USP19: variants seen among roughly 807,000 people sequenced by gnomAD.
USP19 encodes ubiquitin carboxyl-terminal hydrolase 19.
In USP19, 40 loss-of-function variants were observed where a neutral mutation model predicts 144.8. The observed-to-expected ratio is 0.28, with a 90% confidence interval of 0.21 to 0.36. The LOEUF (loss-of-function observed/expected upper bound fraction) is 0.36, where lower values mean the gene tolerates loss of function less well. Among genes scored for constraint, USP19 ranks in the 10% least tolerant of loss-of-function variants. The pLI, the probability that USP19 is intolerant of heterozygous loss-of-function variation, is 1.00. For missense variants in USP19, 1,518 were observed against 1,822.5 expected (o/e 0.83, Z 3.04); for synonymous variants, 701 against 709.3 (o/e 0.99, Z 0.19).
chr3:49,117,175 C>G lies in USP19; in HGVS notation c.793G>C (p.Gly265Arg). The change falls in exon 6 of 27, where the codon GGG (glycine) becomes CGG (arginine). Residue 265 changes from glycine (G) to arginine (R), a missense_variant. By Grantham distance (125) the Gly-to-Arg change is moderately radical. This residue lies in a region of USP19 where 707 missense variants were observed against 728.9 expected (regional missense o/e 0.97). Transcript: ENST00000417901. This position sits in a 1 kb window ranked among gnomAD's most constrained non-coding sequence, Gnocchi z 4.4. Reference sequence around the variant, plus strand: ...TGCACAGCCCTCTTGGCGCTGGGCCCTGCCTGGGCCCCGGGGCCAGCCCCT... The same window carrying G: ...TGCACAGCCCTCTTGGCGCTGGGCCGTGCCTGGGCCCCGGGGCCAGCCCCT... ...GAGAGPGAQAGPSAKRAVHLC... is the reference protein window; with the variant it reads ...GAGAGPGAQARPSAKRAVHLC... The G allele has an allele frequency of 6.5e-7, 1 of 1,548,160 alleles. No individual in the cohort carries two copies. Among genetic ancestry groups the G allele is most frequent in the East Asian group, 2.4e-5 (1 of 40,902 alleles).
rs764401082 is a variant in USP19, at chr3:49,110,770, G to A, written c.3639C>T (p.Phe1213=). 1.2e-6 allele frequency: 2 copies of A among 1,614,198 alleles called. No homozygotes were observed. Among genetic ancestry groups the A allele is most frequent in the South Asian group, 2.2e-5 (2 of 91,080 alleles). ...CACGCCAGATAAAACTACGAAAGGA[G>A]AAGCGCTTGAGCTGCACGATGAGAA... ...PNVLIVQLKR[F]SFRSFIWRDK... Residue 1213 remains phenylalanine, a synonymous_variant, in exon 24 of 27, where the codon TTC becomes TTT. Transcript: ENST00000417901. The surrounding 1 kb of genome is among the most constrained non-coding windows in gnomAD (Gnocchi z 6.1).
At chr3:49,118,891 G>C (rs2044654464) in intron 2 of USP19, 131 bp downstream of exon 2, 2 of 1,392,372 alleles carry the variant, frequency 1.4e-6, no homozygotes, top group South Asian at 2.8e-5. Context: ...GGTTATCATG[G>C]GTCCTTCTTC....
At position 49,116,078 on chromosome 3, in the gene USP19, G is replaced by A; in HGVS notation, c.1440C>T (p.Arg480=). Residue 480 remains arginine, a synonymous_variant, in exon 10 of 27, where the codon CGC becomes CGT. Coordinates refer to ENST00000417901, the MANE Select transcript of USP19 (RefSeq NM_001199161.2). The surrounding 1 kb of genome is among the most constrained non-coding windows in gnomAD (Gnocchi z 5.0). Reference sequence around the variant, plus strand: ...CAGCCGGGGCCTCCAGGCCCCCCCAGCGCTGACTCTGCCTCTTACGAAGGC... The same window carrying A: ...CAGCCGGGGCCTCCAGGCCCCCCCAACGCTGACTCTGCCTCTTACGAAGGC... The part of the protein sequence containing the change: ...DICLRKRQSQ[R]WGGLEAPAAR... 6.2e-7 allele frequency: 1 copy of A among 1,611,598 alleles called. No homozygotes were observed. The highest frequency in any genetic ancestry group is 8.5e-7 in the Non-Finnish European group (1 of 1,179,398).
intron 1 of USP19, among the ~76,000 whole-genome samples, chr3:49,120,242 C>G (rs1560055919): frequency 6.6e-6 from 1 of 152,194 alleles, no homozygotes; most frequent in Non-Finnish European, 1.5e-5. Flanking sequence ...CTGTGTTCCC[C>G]TAAGTGTGTA....
At chr3:49,109,516 A>ATCCCAGAGCAATCTC (rs2042822397) in intron 26 of USP19, among the ~76,000 whole-genome samples, 1 of 152,160 alleles carries the variant, frequency 6.6e-6, no homozygotes. Context: ...AGGACTGCCA[A>ATCCCAGAGCAATCTC]TCCCAGAGCA....
At position 49,116,154 on chromosome 3, in the gene USP19, A is replaced by G. The variant is rs1378093187; in HGVS notation, c.1364T>C (p.Ile455Thr). The change falls in exon 10 of 27, where the codon ATT (isoleucine) becomes ACT (threonine). Residue 455 changes from isoleucine to threonine, a missense_variant. By Grantham distance (89) the Ile-to-Thr change is moderately conservative. Transcript: ENST00000417901. The surrounding 1 kb of genome is among the most constrained non-coding windows in gnomAD (Gnocchi z 5.0). ...FRWQVKLRNLIEPEQCTFCFT... is the reference protein window; with the variant it reads ...FRWQVKLRNLTEPEQCTFCFT... The stretch of plus-strand genomic sequence containing the variant: ...ACAGAAGGTGCACTGCTCTGGCTCA[A>G]TCAGATTCCTGTGGGAAAAGGCTGA... 2.5e-6 allele frequency: 4 copies of G among 1,613,872 alleles called. No individual in the cohort carries two copies. The East Asian group carries it at 8.9e-5, about 36-fold the overall frequency.
chr3:49,111,393 T>C lies in USP19; in HGVS notation c.3218-28A>G, dbSNP rs1213764970. On this transcript the variant is annotated intron_variant, in intron 21 of 26. Coordinates refer to ENST00000417901, the MANE Select transcript of USP19 (RefSeq NM_001199161.2). This position sits in a 1 kb window ranked among gnomAD's most constrained non-coding sequence, Gnocchi z 5.9. ...GTGTGAGAACATGATAATCAAAGCTTCCCTGCCCATCAGGGCCTCACCAGG... is the reference window on the plus strand; with the variant it reads ...GTGTGAGAACATGATAATCAAAGCTCCCCTGCCCATCAGGGCCTCACCAGG... 1 of 1,613,694 alleles carries C rather than the reference T, an allele frequency of 6.2e-7. No homozygotes were observed. The highest frequency in any genetic ancestry group is 2.2e-5 in the East Asian group (1 of 44,838).
At chr3:49,109,744 A>T (rs1317147889) in intron 26 of USP19, among the ~76,000 whole-genome samples, 1 of 152,228 alleles carries the variant, frequency 6.6e-6, no homozygotes, top group East Asian at 1.9e-4. Context: ...CTTACCTCAA[A>T]GAGTATAACA....
chr3:49,112,415 G>C lies in USP19; in HGVS notation c.2647-13C>G, dbSNP rs559453636. On this transcript the variant is annotated splice_polypyrimidine_tract_variant and intron_variant, in intron 18 of 26. Coordinates refer to ENST00000417901, the MANE Select transcript of USP19 (RefSeq NM_001199161.2). This position sits in a 1 kb window ranked among gnomAD's most constrained non-coding sequence, Gnocchi z 4.9. Reference sequence around the variant, plus strand: ...GCACCTGGGGGCGCTAGGGTGGGTCGTCTGGCTCAGCAAGACCAGGAAGAA... The same window carrying C: ...GCACCTGGGGGCGCTAGGGTGGGTCCTCTGGCTCAGCAAGACCAGGAAGAA... 6.2e-7 allele frequency: 1 copy of C among 1,613,930 alleles called. No homozygotes were observed. Among genetic ancestry groups the C allele is most frequent in the Non-Finnish European group, 8.5e-7 (1 of 1,179,948 alleles).
At position 49,114,342 on chromosome 3, in the gene USP19, A is replaced by C; in HGVS notation, c.2293-58T>G. 1 of 1,535,866 alleles carries C rather than the reference A, an allele frequency of 6.5e-7. No homozygotes were observed. Among genetic ancestry groups the C allele is most frequent in the Non-Finnish European group, 9.0e-7 (1 of 1,116,460 alleles). On this transcript the variant is annotated intron_variant, in intron 15 of 26. Coordinates refer to ENST00000417901, the MANE Select transcript of USP19 (RefSeq NM_001199161.2). The surrounding 1 kb of genome is among the most constrained non-coding windows in gnomAD (Gnocchi z 4.5). ...ACACAGAGTGGGAGATAAGATGCTCATGCTCAGAGAGCCCATTCCGGGGCT... is the reference window on the plus strand; with the variant it reads ...ACACAGAGTGGGAGATAAGATGCTCCTGCTCAGAGAGCCCATTCCGGGGCT...
chr3:49,115,668 C>T lies in USP19; in HGVS notation c.1693-29G>A. 1 of 1,608,888 alleles carries T rather than the reference C, an allele frequency of 6.2e-7. No individual in the cohort carries two copies. Among genetic ancestry groups the T allele is most frequent in the Non-Finnish European group, 8.5e-7 (1 of 1,176,774 alleles). On this transcript the variant is annotated intron_variant, in intron 11 of 26. Coordinates refer to ENST00000417901, the MANE Select transcript of USP19 (RefSeq NM_001199161.2). This position sits in a 1 kb window ranked among gnomAD's most constrained non-coding sequence, Gnocchi z 6.6. ...CAGGAGCAAAGACGACATGAGAGAA[C>T]AGCCCCAAGACTCTCCAGCCTCCAT... is the stretch of plus-strand genomic sequence containing the variant.
At chr3:49,109,878 GT>G (rs1427262216) in intron 26 of USP19, 4 of 230,890 alleles carry the variant, frequency 1.7e-5, no homozygotes, top group Non-Finnish European at 3.3e-5. Flanking sequence ...ATCTAGGAGA[GT>G]GTCAGGTATA....
chr3:49,113,274 A>T (rs2043477589), intron 17 of USP19, among the ~76,000 whole-genome samples: 2 of 152,146 alleles, frequency 1.3e-5, no homozygotes, highest in South Asian at 4.1e-4. Context: ...GTCTATTTTT[A>T]TTTTATTTTA....
At position 49,111,768 on chromosome 3, in the gene USP19, C is replaced by T; in HGVS notation, c.2949G>A (p.Met983Ile). The T allele has an allele frequency of 6.4e-7, 1 of 1,555,190 alleles. No homozygotes were observed. The highest frequency in any genetic ancestry group is 8.7e-7 in the Non-Finnish European group (1 of 1,149,284). Residue 983 changes from methionine (M) to isoleucine (I), a missense_variant, in exon 21 of 27, where the codon ATG (methionine) becomes ATA (isoleucine). Met to Ile is a conservative substitution (Grantham distance 10). Around this residue, in one of 5 missense-constraint regions of USP19, gnomAD observed 413 missense variants for 515.8 expected, o/e 0.80. Transcript: ENST00000417901. This position sits in a 1 kb window ranked among gnomAD's most constrained non-coding sequence, Gnocchi z 5.9. ...AGCCAGGGCTCTGAGACTCCAAGGC[C>T]ATGCGGCCTGGCTGAAAGGGTGGCT... ...VFQPPFQPGR[M>I]ALESQSPGCT...
rs746267427 is a variant in USP19 at position 49,114,926 on chromosome 3, G to T, written c.2181+33C>A. 3.7e-6 allele frequency: 6 copies of T among 1,614,208 alleles called. No homozygotes were observed. The highest frequency in any genetic ancestry group is 5.1e-6 in the Non-Finnish European group (6 of 1,180,050). ...GAGTACCAGGGGCTGGGATGCTCAT[G>T]AGACATGCCCACCCTCTGTCCCTAA... On this transcript the variant is annotated intron_variant, in intron 14 of 26. Coordinates refer to ENST00000417901, the MANE Select transcript of USP19 (RefSeq NM_001199161.2). The surrounding 1 kb of genome is among the most constrained non-coding windows in gnomAD (Gnocchi z 4.5).
rs887698468 is a variant in USP19, at chr3:49,117,836, G to A, written c.299-6C>T. On this transcript the variant is annotated splice_polypyrimidine_tract_variant and splice_region_variant and intron_variant, in intron 3 of 26. Coordinates refer to ENST00000417901, the MANE Select transcript of USP19 (RefSeq NM_001199161.2). The surrounding 1 kb of genome is among the most constrained non-coding windows in gnomAD (Gnocchi z 4.4). ...ATGAGGGTCTTCACAAGCTCCTGAT[G>A]GTGATAAGCAGGTAACAGAGACCCA... is the stretch of plus-strand genomic sequence containing the variant. The A allele has an allele frequency of 1.2e-6, 2 of 1,614,124 alleles. No individual in the cohort carries two copies. Among genetic ancestry groups the A allele is most frequent in the Non-Finnish European group, 1.7e-6 (2 of 1,179,970 alleles).
Position 49,111,083 on chromosome 3 carries a change from C to G in USP19, c.3412G>C (p.Val1138Leu). ...GCACATTCCAGCTCCTTGGAGGCTA[C>G]CAACACAAACTCCTGCAAGCGCTCA... ...NNERLQEFVLVASKELECAED... is the reference protein window; with the variant it reads ...NNERLQEFVLLASKELECAED... Residue 1138 changes from valine (V) to leucine (L), a missense_variant, in exon 23 of 27, where the codon GTA (valine) becomes CTA (leucine). Around this residue, in one of 5 missense-constraint regions of USP19, gnomAD observed 413 missense variants for 515.8 expected, o/e 0.80. Coordinates refer to ENST00000417901, the MANE Select transcript of USP19 (RefSeq NM_001199161.2). This position sits in a 1 kb window ranked among gnomAD's most constrained non-coding sequence, Gnocchi z 5.9. The G allele has an allele frequency of 6.2e-7, 1 of 1,614,002 alleles. No individual in the cohort carries two copies. Among genetic ancestry groups the G allele is most frequent in the Non-Finnish European group, 8.5e-7 (1 of 1,180,028 alleles).
chr3:49,113,056 C>T (rs779177544), intron 17 of USP19, among the ~76,000 whole-genome samples: 5 of 152,156 alleles, frequency 3.3e-5, no homozygotes, highest in Non-Finnish European at 5.9e-5. Flanking sequence ...AAGGAGAGAG[C>T]AGCAGGATAG....
At position 49,108,406 on chromosome 3, in the gene USP19, G is replaced by T; in HGVS notation, c.*6C>A. On this transcript the variant is annotated 3_prime_UTR_variant, in exon 27 of 27. Coordinates refer to ENST00000417901, the MANE Select transcript of USP19 (RefSeq NM_001199161.2). The surrounding 1 kb of genome is among the most constrained non-coding windows in gnomAD (Gnocchi z 4.8). Reference sequence around the variant, plus strand: ...AACCCAGTCCCCCCCATCAGCCAGGGACCTGCTAATCCACCTCCTCCATGT... The same window carrying T: ...AACCCAGTCCCCCCCATCAGCCAGGTACCTGCTAATCCACCTCCTCCATGT... The T allele has an allele frequency of 1.5e-6, 2 of 1,338,104 alleles. No homozygotes were observed. Among genetic ancestry groups the T allele is most frequent in the Non-Finnish European group, 2.0e-6 (2 of 1,008,704 alleles). 82.9% of individuals were successfully genotyped at this position (1,338,104 alleles called of 1,614,324 possible).
Sources: allele counts gnomAD v4.1 joint callset (sites outside exome capture counted in the v4.1 genomes callset), GRCh38; gene constraint gnomAD v4.1.1; regional missense constraint gnomAD v4.1.1; non-coding constraint Gnocchi (gnomAD v3.1); transcripts MANE v1.5; gene names NCBI Gene and HGNC (gene_info 2026-07-23, HGNC 2026-07-21).